Variants in DZIP1L observed in about 807,000 individuals in gnomAD.
DZIP1L encodes DAZ interacting zinc finger protein 1 like, also known as cilium assembly protein DZIP1L.
In DZIP1L, 90 loss-of-function variants were observed where a neutral mutation model predicts 88.7. That is an observed-to-expected ratio of 1.02 (90% CI 0.86 to 1.21). The LOEUF is 1.21. Among genes scored for constraint, DZIP1L ranks in the 50% most tolerant of loss-of-function variants. DZIP1L has a pLI of 0.00. For missense variants in DZIP1L, 932 were observed against 955.8 expected (o/e 0.98, Z 0.33); for synonymous variants, 363 against 372.1 (o/e 0.98, Z 0.28).
intron 1 of DZIP1L, among the ~76,000 whole-genome samples, chr3:138,110,710 G>A (rs1418188946): frequency 3.3e-5 from 5 of 152,142 alleles, no homozygotes; most frequent in South Asian, 2.1e-4. Context: ...TATCCCTGCC[G>A]TTGTTAATAA....
At chr3:138,082,984 T>C (rs1443561035) in intron 8 of DZIP1L, among the ~76,000 whole-genome samples, 2 of 152,208 alleles carry the variant, frequency 1.3e-5, no homozygotes, top group African/African-American at 4.8e-5. Flanking sequence ...CAGTCTGGAT[T>C]CACAATGGCA....
intron 2 of DZIP1L, among the ~76,000 whole-genome samples, chr3:138,100,999 C>T (rs745496457): frequency 7.9e-5 from 12 of 152,160 alleles, no homozygotes; most frequent in Non-Finnish European, 1.2e-4. Context: ...CACATGCACA[C>T]ACAAACCCCT....
chr3:138,064,831 T>A (rs1942826552), intron 14 of DZIP1L, 64 bp from the exon 15 acceptor site: 3 of 1,527,346 alleles, frequency 2.0e-6, no homozygotes, highest in South Asian at 1.3e-5. Flanking sequence ...CTCAGTTTTG[T>A]GGCTCATGTC....
intron 15 of DZIP1L, 116 bp downstream of exon 15, chr3:138,064,512 C>A (rs1053778675): frequency 1.9e-6 from 3 of 1,612,650 alleles, no homozygotes; most frequent in Admixed American, 1.7e-5. Context: ...CAATGTCCCA[C>A]TAGGGCAAAG....
At chr3:138,111,989 T>C (rs1191312141) in intron 1 of DZIP1L, among the ~76,000 whole-genome samples, 1 of 128,040 alleles carries the variant, frequency 7.8e-6, no homozygotes, top group Admixed American at 8.8e-5. Context: ...GCAACAAGAA[T>C]GAAATTCTGT....
chr3:138,101,662 C>A lies in DZIP1L; in HGVS notation c.501+1809G>T, dbSNP rs2042316372. 3 of 795,750 alleles carry A rather than the reference C, an allele frequency of 3.8e-6. No individual in the cohort carries two copies. In the South Asian group the frequency reaches 4.0e-5, roughly 11 times the overall value. The allele number at this position is 795,750 out of a possible 1,614,324, so 49.3% of individuals were successfully genotyped here. A position where few individuals can be genotyped will look rare whatever the true frequency, so the allele number is the denominator to read the frequency against. The stretch of plus-strand genomic sequence containing the variant: ...GCTTGTGAGGCCCCCATAGGCCGAG[C>A]TCAGACCACCTGCATAGCCGCTGGT... On this transcript the variant is annotated intron_variant, in intron 2 of 15. Transcript: ENST00000327532.
rs773059364 is a variant in DZIP1L at position 138,094,943 on chromosome 3, T to C, written c.627A>G (p.Leu209=). ...ACTTTAGCTTGGCCCGTAGCTCTTC[T>C]AACACCTCTTCCACTGGCTGTTCCT... ...KKQEQPVEEV[L]EELRAKLKWT... is the part of the protein sequence containing the mutation. Residue 209 remains leucine, a synonymous_variant, in exon 4 of 16, where the codon TTA becomes TTG. Coordinates refer to ENST00000327532, the MANE Select transcript of DZIP1L (RefSeq NM_173543.3). 20 of 1,614,178 alleles carry C rather than the reference T, an allele frequency of 1.2e-5. No individual in the cohort carries two copies. Among genetic ancestry groups the C allele is most frequent in the Non-Finnish European group, 1.7e-5 (20 of 1,179,950 alleles).
intron 8 of DZIP1L, among the ~76,000 whole-genome samples, chr3:138,083,617 G>A (rs1943774726): frequency 6.6e-6 from 1 of 152,202 alleles, no homozygotes; most frequent in African/African-American, 2.4e-5. Flanking sequence ...AAAAGGTACT[G>A]GTTAAGGAAT....
At chr3:138,068,728 T>C (rs1299875792) in intron 12 of DZIP1L, among the ~76,000 whole-genome samples, 1 of 152,078 alleles carries the variant, frequency 6.6e-6, no homozygotes, top group Admixed American at 6.5e-5. Context: ...GCCGCTGCAC[T>C]GCAGGCAGTC....
chr3:138,083,810 T>C (rs929792375), intron 8 of DZIP1L, among the ~76,000 whole-genome samples: 8 of 152,134 alleles, frequency 5.3e-5, no homozygotes, highest in Admixed American at 3.9e-4. Context: ...TGAAGGATAG[T>C]AGTGAGGCTT....
intron 12 of DZIP1L, among the ~76,000 whole-genome samples, chr3:138,068,726 A>G (rs889555499): frequency 2.1e-4 from 32 of 152,092 alleles, no homozygotes; most frequent in African/African-American, 2.4e-5. Flanking sequence ...CAGCCGCTGC[A>G]CTGCAGGCAG....
At chr3:138,069,972 G>A (rs1349518991) in intron 12 of DZIP1L, among the ~76,000 whole-genome samples, 2 of 152,224 alleles carry the variant, frequency 1.3e-5, no homozygotes, top group Non-Finnish European at 1.5e-5. Flanking sequence ...CAGGGCCAGG[G>A]AAAGGGAAGG....
At chr3:138,109,346 A>G (rs2042578076) in intron 1 of DZIP1L, among the ~76,000 whole-genome samples, 1 of 152,210 alleles carries the variant, frequency 6.6e-6, no homozygotes, top group Non-Finnish European at 1.5e-5. Flanking sequence ...AGCTTGCCCA[A>G]GATCCAGAGG....
intron 7 of DZIP1L, among the ~76,000 whole-genome samples, chr3:138,084,997 G>C (rs1004196229): frequency 6.6e-6 from 1 of 152,014 alleles, no homozygotes; most frequent in Non-Finnish European, 1.5e-5. Context: ...TCTCTGTTTT[G>C]GTACCAGTAC....
At chr3:138,069,141 C>T (rs1187874725) in intron 12 of DZIP1L, 1 of 688,566 alleles carries the variant, frequency 1.5e-6, no homozygotes, top group Non-Finnish European at 2.6e-6. Flanking sequence ...AGAGCAACCC[C>T]TCCTCTTCCT....
intron 2 of DZIP1L, among the ~76,000 whole-genome samples, chr3:138,099,734 C>A (rs551495169): frequency 3.7e-4 from 56 of 152,206 alleles, no homozygotes; most frequent in African/African-American, 1.3e-3. Context: ...GCCTGGCATT[C>A]CTCTCCCCTT....
At chr3:138,108,687 CT>C (rs1361038671) in intron 1 of DZIP1L, among the ~76,000 whole-genome samples, 4 of 152,198 alleles carry the variant, frequency 2.6e-5, no homozygotes, top group Admixed American at 2.0e-4. Flanking sequence ...CCCTCGGTCT[CT>C]TGTGATCTTA....
At chr3:138,113,728 C>T (rs1294133157) in intron 1 of DZIP1L, among the ~76,000 whole-genome samples, 1 of 152,174 alleles carries the variant, frequency 6.6e-6, no homozygotes, top group Non-Finnish European at 1.5e-5. Flanking sequence ...TTCCACTCTT[C>T]CCTGACCCTC....
At position 138,102,260 on chromosome 3, in the gene DZIP1L, G is replaced by A. The variant is rs141732150; in HGVS notation, c.501+1211C>T. 1,686 of 1,440,234 alleles carry A rather than the reference G, an allele frequency of 1.2e-3. 23 individuals carry two copies. In the East Asian group the frequency reaches 0.032, roughly 28 times the overall value. The allele number at this position is 1,440,234 out of a possible 1,614,324, so 89.2% of individuals were successfully genotyped here. A position where few individuals can be genotyped will look rare whatever the true frequency, so the allele number is the denominator to read the frequency against. Reference sequence around the variant, plus strand: ...ACAGCTGCCTGAGGAAGTTGATCTCGTCAGTCAGCCCTTCCAGGCGAGACT... The same window carrying A: ...ACAGCTGCCTGAGGAAGTTGATCTCATCAGTCAGCCCTTCCAGGCGAGACT... On this transcript the variant is annotated intron_variant, in intron 2 of 15. Transcript: ENST00000327532.
Sources: gnomAD v4.1 joint callset for allele counts (sites outside exome capture counted in the v4.1 genomes callset) on GRCh38, gnomAD v4.1.1 for gene constraint, MANE v1.5 for transcripts, NCBI Gene and HGNC (gene_info 2026-07-23, HGNC 2026-07-21) for gene names.